SAXO1: variants seen among roughly 807,000 people sequenced by gnomAD.
SAXO1 encodes 4930500O09Rik.
In SAXO1, 21 loss-of-function variants were observed where a neutral mutation model predicts 17.5. That is an observed-to-expected ratio of 1.20 (90% CI 0.85 to 1.72). The LOEUF is 1.72. SAXO1 is among the 40% of genes most tolerant of loss of function. SAXO1 has a pLI of 0.00. For missense variants in SAXO1, 843 were observed against 596.0 expected (o/e 1.41, Z -4.32); for synonymous variants, 274 against 216.5 (o/e 1.27, Z -2.33).
chr9:19,021,817 C>T lies in SAXO1; in HGVS notation c.38+11054G>A, dbSNP rs372633941. Among the ~76,000 whole-genome samples the T allele has an allele frequency of 4.9e-5, 7 of 143,054 alleles. No individual in the cohort carries two copies. The East Asian group carries it at 1.2e-3, about 24-fold the overall frequency. The allele number at this position is 143,054 out of a possible 152,430, so 93.8% of individuals were successfully genotyped here. On this transcript the variant is annotated intron_variant, in intron 1 of 3. Transcript: ENST00000380534. ...CTGTGTCTAGCTAAAGCATTGTAAA[C>T]GCACCAATCAGCACTCTGTAAAATG...
chr9:19,016,612 G>A (rs897442792), intron 1 of SAXO1, among the ~76,000 whole-genome samples: 1 of 151,980 alleles, frequency 6.6e-6, no homozygotes, highest in Non-Finnish European at 1.5e-5. Context: ...GTGGGTAGTG[G>A]TCAAGGATAC....
At chr9:18,989,467 G>A (rs1157305208) in intron 1 of SAXO1, among the ~76,000 whole-genome samples, 3 of 151,998 alleles carry the variant, frequency 2.0e-5, no homozygotes, top group African/African-American at 7.3e-5. Context: ...ATTTATCATA[G>A]AGAACTTCAA....
intron 1 of SAXO1, among the ~76,000 whole-genome samples, chr9:18,962,484 T>C (rs1832528558): frequency 6.6e-6 from 1 of 152,242 alleles, no homozygotes; most frequent in African/African-American, 2.4e-5. Context: ...CACCCACTTT[T>C]TGATGGGTGA....
At chr9:19,024,198 G>C (rs1835375243) in intron 1 of SAXO1, among the ~76,000 whole-genome samples, 1 of 151,720 alleles carries the variant, frequency 6.6e-6, no homozygotes, top group Non-Finnish European at 1.5e-5. Context: ...CAAGTACTCA[G>C]GCAGACATGA....
At chr9:19,019,830 C>T (rs1451786149) in intron 1 of SAXO1, among the ~76,000 whole-genome samples, 1 of 152,162 alleles carries the variant, frequency 6.6e-6, no homozygotes, top group Non-Finnish European at 1.5e-5. Context: ...CACTTTCACG[C>T]AATGACCACT....
In SAXO1 at chr9:18,950,791, C is replaced by G. The variant is rs1164188894; in HGVS notation, c.185G>C (p.Gly62Ala). Reference protein sequence around the residue: ...SFKPRREYQKGPIPMEGLTTS... With the variant: ...SFKPRREYQKAPIPMEGLTTS... ...AGTCAGGCCTTCCATTGGTATAGGC[C>G]CTTTCTGGTACTCCCGCCTTGGCTT... Residue 62 changes from glycine (G) to alanine (A), a missense_variant, in exon 2 of 4, where the codon GGG (glycine) becomes GCG (alanine). Gly to Ala is a moderately conservative substitution (Grantham distance 60). Coordinates refer to ENST00000380534, the MANE Select transcript of SAXO1 (RefSeq NM_153707.4). 1 of 1,613,588 alleles carries G rather than the reference C, an allele frequency of 6.2e-7. No homozygotes were observed. The highest frequency in any genetic ancestry group is 2.2e-5 in the East Asian group (1 of 44,868).
intron 1 of SAXO1, among the ~76,000 whole-genome samples, chr9:18,998,655 G>T (rs772336721): frequency 6.6e-6 from 1 of 152,090 alleles, no homozygotes; most frequent in East Asian, 1.9e-4. Flanking sequence ...CCCCAAACAC[G>T]TAATTGTCAG....
rs544169785 is a variant in SAXO1, at chr9:19,015,788, C to T, written c.38+17083G>A. ...GCCATGGCACCCAGACATATCTCTT[C>T]TTTTTGAAAAAACACACCTTTGTGT... On this transcript the variant is annotated intron_variant, in intron 1 of 3. Coordinates refer to ENST00000380534, the MANE Select transcript of SAXO1 (RefSeq NM_153707.4). Among the ~76,000 whole-genome samples the T allele has an allele frequency of 2.6e-5, 4 of 152,058 alleles. 1 individual carries two copies. Among genetic ancestry groups the T allele is most frequent in the South Asian group, 4.2e-4 (2 of 4,802 alleles).
At chr9:19,014,830 G>A (rs750629228) in intron 1 of SAXO1, among the ~76,000 whole-genome samples, 10 of 152,168 alleles carry the variant, frequency 6.6e-5, no homozygotes, top group African/African-American at 9.7e-5. Flanking sequence ...AATAAAGCCA[G>A]TGCTGCTGAG....
At chr9:18,937,411 G>A (rs1211460235) in intron 3 of SAXO1, among the ~76,000 whole-genome samples, 1 of 152,196 alleles carries the variant, frequency 6.6e-6, no homozygotes, top group Non-Finnish European at 1.5e-5. Context: ...CATTCCCTGT[G>A]TTCGATGCTG....
chr9:18,986,287 C>A (rs999740369), intron 1 of SAXO1, among the ~76,000 whole-genome samples: 4 of 152,144 alleles, frequency 2.6e-5, no homozygotes, highest in African/African-American at 9.7e-5. Context: ...AACAGAAAAT[C>A]TTTTTTCCTA....
intron 1 of SAXO1, among the ~76,000 whole-genome samples, chr9:19,004,198 C>CAGTT (rs1201431257): frequency 5.3e-5 from 8 of 152,302 alleles, no homozygotes; most frequent in Middle Eastern, 6.8e-3. Flanking sequence ...CATCTCATGT[C>CAGTT]AGTTAGAATG....
At chr9:19,015,177 G>C (rs1003161142) in intron 1 of SAXO1, among the ~76,000 whole-genome samples, 13 of 152,050 alleles carry the variant, frequency 8.5e-5, no homozygotes, top group Non-Finnish European at 1.9e-4. Context: ...AGATTTGCAA[G>C]TCTTAAAATT....
chr9:18,951,305 G>T (rs932941263), intron 1 of SAXO1, among the ~76,000 whole-genome samples: 3 of 152,100 alleles, frequency 2.0e-5, no homozygotes, highest in Non-Finnish European at 4.4e-5. Flanking sequence ...TCTCACAACA[G>T]CCCAGGAATT....
At chr9:18,967,036 G>C (rs7024570) in intron 1 of SAXO1, among the ~76,000 whole-genome samples, 27,793 of 152,156 alleles carry the variant, frequency 0.18, 5,352 homozygotes, top group African/African-American at 0.49. Context: ...TGATGGAGGT[G>C]CATTCCAGAC....
At chr9:19,026,832 C>A in intron 1 of SAXO1, 1 of 566,062 alleles carries the variant, frequency 1.8e-6, no homozygotes, top group Non-Finnish European at 3.4e-6. Context: ...AGTTCAAGAC[C>A]AGCCTGGCCA....
chr9:18,971,031 G>A (rs1015010364), intron 1 of SAXO1, among the ~76,000 whole-genome samples: 2 of 152,046 alleles, frequency 1.3e-5, no homozygotes, highest in African/African-American at 2.4e-5. Flanking sequence ...TGGGTTCCCT[G>A]GGTTTCCCTG....
chr9:19,011,849 A>ATTTTT (rs1211848537), intron 1 of SAXO1, among the ~76,000 whole-genome samples: 5 of 144,758 alleles, frequency 3.5e-5, no homozygotes, highest in Non-Finnish European at 3.0e-5. Flanking sequence ...TTAAGCATAG[A>ATTTTT]TTTTTTTTTT....
At position 19,049,267 on chromosome 9, in the gene SAXO1, C is replaced by G. The variant is rs141000073; in HGVS notation, c.-216G>C. 735 of 172,966 alleles carry G rather than the reference C, an allele frequency of 4.2e-3. 3 individuals carry two copies. Among genetic ancestry groups the G allele is most frequent in the African/African-American group, 0.017 (706 of 41,990 alleles). The allele number at this position is 172,966 out of a possible 1,614,324, so 10.7% of individuals were successfully genotyped here. On this transcript the variant is annotated 5_prime_UTR_variant, in exon 1 of 4. Transcript: ENST00000542071. This position sits in a 1 kb window ranked among gnomAD's most constrained non-coding sequence, Gnocchi z 5.4. ...AAAAGACCGAAGTCCTCGAGCTTCC[C>G]TTCCATCTTAGGGCTCACGCCGCCC...
Sources: gnomAD v4.1 joint callset for allele counts (sites outside exome capture counted in the v4.1 genomes callset) on GRCh38, gnomAD v4.1.1 for gene constraint, Gnocchi (gnomAD v3.1) non-coding constraint, MANE v1.5 for transcripts, NCBI Gene and HGNC (gene_info 2026-07-23, HGNC 2026-07-21) for gene names.